The following EMP2 variants were observed in gnomAD, a reference collection of about 807,000 sequenced individuals.
The protein encoded by EMP2 is epithelial membrane protein 2.
EMP2 carries 19 observed loss-of-function variants against 13.7 expected under a neutral mutation model. The ratio of observed to expected loss-of-function variants is 1.38; its 90% CI spans 0.97 to 2.03. EMP2 has a LOEUF of 2.03. Ranked by LOEUF, EMP2 falls within the 30% of genes most tolerant of loss-of-function variation. EMP2 has a pLI of 0.00. For missense variants in EMP2, 253 were observed against 220.7 expected (o/e 1.15, Z -0.93); for synonymous variants, 97 against 84.7 (o/e 1.15, Z -0.80).
intron 1 of EMP2, among the ~76,000 whole-genome samples, chr16:10,557,185 T>C (rs369003129): frequency 1.3e-4 from 20 of 152,052 alleles, no homozygotes; most frequent in African/African-American, 4.1e-4. Context: ...GGCAAAACGC[T>C]GTCTCTACTA....
chr16:10,547,812 C>T (rs1270253572), intron 1 of EMP2, 135 bp from the exon 2 acceptor site: 5 of 567,634 alleles, frequency 8.8e-6, no homozygotes, highest in Non-Finnish European at 1.6e-5. Context: ...GTGGGAAGAT[C>T]ACTTGAGCCC....
intron 1 of EMP2, among the ~76,000 whole-genome samples, chr16:10,558,555 C>T (rs181461466): frequency 1.3e-5 from 2 of 152,210 alleles, no homozygotes; most frequent in Admixed American, 1.3e-4. Flanking sequence ...CTTCTGGAGG[C>T]TCACTGGCCC....
At chr16:10,578,232 A>T (rs965239740) in intron 1 of EMP2, 1 of 152,072 alleles carries the variant, frequency 6.6e-6, no homozygotes, top group African/African-American at 2.4e-5. Context: ...CTAGGGTGAA[A>T]AATGGGCTGG....
chr16:10,551,322 A>G (rs547773153), intron 1 of EMP2, among the ~76,000 whole-genome samples: 2 of 152,334 alleles, frequency 1.3e-5, no homozygotes, highest in South Asian at 4.1e-4. Context: ...ATGTGTGGGA[A>G]GGTATTTTGA....
chr16:10,549,755 T>C (rs1425781575), intron 1 of EMP2, among the ~76,000 whole-genome samples: 2 of 138,824 alleles, frequency 1.4e-5, no homozygotes, highest in Admixed American at 1.4e-4. Context: ...ACACATACAC[T>C]GTCTCTCTTT....
chr16:10,555,575 G>A (rs1484140902), intron 1 of EMP2, among the ~76,000 whole-genome samples: 1 of 151,006 alleles, frequency 6.6e-6, no homozygotes, highest in Admixed American at 6.6e-5. Context: ...CCTACAACCT[G>A]GAAGCAGTCA....
At chr16:10,567,900 C>T (rs2050919349) in intron 1 of EMP2, among the ~76,000 whole-genome samples, 1 of 152,156 alleles carries the variant, frequency 6.6e-6, no homozygotes, top group Non-Finnish European at 1.5e-5. Context: ...ACTGCAATCC[C>T]CATTTTATAG....
At chr16:10,568,690 G>A (rs895349429) in intron 1 of EMP2, among the ~76,000 whole-genome samples, 27 of 151,928 alleles carry the variant, frequency 1.8e-4, no homozygotes, top group Admixed American at 1.5e-3. Flanking sequence ...GAGGACGGTC[G>A]GATTAAAGCT....
intron 1 of EMP2, among the ~76,000 whole-genome samples, chr16:10,558,508 G>A (rs891893166): frequency 8.1e-5 from 12 of 148,552 alleles, no homozygotes; most frequent in South Asian, 2.1e-4. Context: ...TGTGTGTGTC[G>A]CACGTCTAGC....
intron 1 of EMP2, among the ~76,000 whole-genome samples, chr16:10,574,846 G>A (rs906922861): frequency 2.0e-5 from 3 of 151,994 alleles, no homozygotes; most frequent in Non-Finnish European, 4.4e-5. Flanking sequence ...CACCGTGCCC[G>A]GCCCATATAT....
chr16:10,534,025 G>C (rs906710790), intron 4 of EMP2, among the ~76,000 whole-genome samples: 2 of 151,924 alleles, frequency 1.3e-5, no homozygotes, highest in African/African-American at 4.8e-5. Flanking sequence ...TGAGGCAGGA[G>C]AATCGCTTTA....
rs867351567 is a variant in EMP2, at chr16:10,567,206, C to A, written c.-61+13343G>T. 4.6e-5 allele frequency among the ~76,000 whole-genome samples: 7 copies of A among 152,326 alleles called. 1 individual carries two copies. The highest frequency in any genetic ancestry group is 1.7e-4 in the African/African-American group (7 of 41,566). On this transcript the variant is annotated intron_variant, in intron 1 of 4. Transcript: ENST00000359543. ...AGCGGGCAGGGATTTATGTCGGTCT[C>A]ATCACTGCTCTGTCCCCGTGCCCAG...
At chr16:10,575,286 C>A (rs1233340552) in intron 1 of EMP2, among the ~76,000 whole-genome samples, 3 of 87,724 alleles carry the variant, frequency 3.4e-5, no homozygotes, top group African/African-American at 1.2e-4. Context: ...CAGAGTCTCG[C>A]TCCGTCGCCC....
chr16:10,554,144 G>A (rs936175745), intron 1 of EMP2, among the ~76,000 whole-genome samples: 6 of 150,962 alleles, frequency 4.0e-5, no homozygotes, highest in Admixed American at 6.6e-5. Context: ...CGATTCTCCT[G>A]CCTCAGCCTC....
intron 4 of EMP2, among the ~76,000 whole-genome samples, chr16:10,533,792 C>G (rs950407199): frequency 6.6e-6 from 1 of 152,116 alleles, no homozygotes; most frequent in African/African-American, 2.4e-5. Flanking sequence ...TATCCCAGTT[C>G]TGACCACAGA....
At chr16:10,549,718 C>A (rs761588678) in intron 1 of EMP2, among the ~76,000 whole-genome samples, 1 of 79,978 alleles carries the variant, frequency 1.3e-5, no homozygotes, top group Non-Finnish European at 2.4e-5. Context: ...AATGCACGCA[C>A]ACACACACAC....
At chr16:10,577,027 G>A (rs1207246862) in intron 1 of EMP2, among the ~76,000 whole-genome samples, 5 of 152,150 alleles carry the variant, frequency 3.3e-5, no homozygotes, top group African/African-American at 7.2e-5. Flanking sequence ...CAGATGACAC[G>A]TGCTATAAGG....
chr16:10,576,015 T>C (rs1378412888), intron 1 of EMP2, among the ~76,000 whole-genome samples: 8 of 152,142 alleles, frequency 5.3e-5, no homozygotes, highest in Non-Finnish European at 8.8e-5. Flanking sequence ...GCAGGCACTC[T>C]AGTACTCAGA....
intron 1 of EMP2, among the ~76,000 whole-genome samples, chr16:10,555,208 T>G (rs367739161): frequency 6.4e-4 from 98 of 152,330 alleles, no homozygotes; most frequent in Middle Eastern, 3.4e-3. Context: ...CTCAGTGGGA[T>G]ACTCCTCAGA....
Sources: gnomAD v4.1 joint callset for allele counts (sites outside exome capture counted in the v4.1 genomes callset) on GRCh38, gnomAD v4.1.1 for gene constraint, MANE v1.5 for transcripts, NCBI Gene and HGNC (gene_info 2026-07-23, HGNC 2026-07-21) for gene names.